CNKSR2: variants seen among roughly 807,000 people sequenced by gnomAD.
The protein encoded by CNKSR2 is connector enhancer of kinase suppressor of Ras 2.
A neutral mutation model predicts 84.4 loss-of-function variants in CNKSR2; 14 were observed. That is an observed-to-expected ratio of 0.17 (90% CI 0.11 to 0.26). The LOEUF (loss-of-function observed/expected upper bound fraction) is 0.26. Among genes scored for constraint, CNKSR2 ranks in the 10% least tolerant of loss-of-function variants. The pLI, the probability that CNKSR2 is intolerant of heterozygous loss-of-function variation, is 1.00. For missense variants in CNKSR2, 485 were observed against 771.2 expected (o/e 0.63, Z 4.40); for synonymous variants, 275 against 277.9 (o/e 0.99, Z 0.10).
intron 16 of CNKSR2, 79 bp from the exon 17 acceptor site, chrX:21,595,245 G>C: frequency 1.3e-6 from 1 of 769,583 alleles, no homozygotes; most frequent in East Asian, 3.2e-5. Flanking sequence ...TAGATGTTGA[G>C]GTAATTTTGC....
intron 4 of CNKSR2, among the ~76,000 whole-genome samples, chrX:21,443,977 TTAAAA>T (rs2090819182): frequency 9.0e-6 from 1 of 111,693 alleles, no homozygotes; most frequent in Non-Finnish European, 1.9e-5. Context: ...AATCTGCATC[TTAAAA>T]TAAAGATATA....
At chrX:21,575,836 T>C (rs1441068588) in intron 13 of CNKSR2, among the ~76,000 whole-genome samples, 1 of 112,328 alleles carries the variant, frequency 8.9e-6, no homozygotes, top group Non-Finnish European at 1.9e-5. Flanking sequence ...AAAAAAGTCA[T>C]GCTTCTCTTC....
At chrX:21,645,780 A>G (rs1215090783) in intron 20 of CNKSR2, 1 of 111,849 alleles carries the variant, frequency 8.9e-6, no homozygotes, top group Non-Finnish European at 1.9e-5. Flanking sequence ...GAGGGCAAAA[A>G]GAGAAGAAAA....
intron 14 of CNKSR2, 63 bp from the exon 15 acceptor site, chrX:21,590,959 C>G (rs1037703496): frequency 1.6e-4 from 159 of 976,861 alleles, no homozygotes; most frequent in Non-Finnish European, 2.0e-4. Context: ...TTTTTGGTAT[C>G]TATAGATTAA....
intron 20 of CNKSR2, among the ~76,000 whole-genome samples, chrX:21,630,777 C>T (rs1328685857): frequency 9.0e-6 from 1 of 111,008 alleles, no homozygotes; most frequent in East Asian, 2.8e-4. Flanking sequence ...TACAGCAGCA[C>T]CATTAATATG....
At position 21,586,877 on chromosome X, in the gene CNKSR2, G is replaced by C. The variant is rs143878492; in HGVS notation, c.1609-3695G>C. 9.9e-3 allele frequency among the ~76,000 whole-genome samples: 1,102 copies of C among 111,777 alleles called. 12 individuals carry two copies. The highest frequency in any genetic ancestry group is 0.032 in the African/African-American group (998 of 30,836). The stretch of plus-strand genomic sequence containing the variant: ...AAAAGGCATCGCAGAAATATGAAAG[G>C]ATACAGAACATGAAGGACACATGGA... On this transcript the variant is annotated intron_variant, in intron 13 of 21. Transcript: ENST00000379510.
intron 5 of CNKSR2, 69 bp downstream of exon 5, chrX:21,470,876 C>A: frequency 8.8e-6 from 5 of 566,235 alleles, no homozygotes; most frequent in Admixed American, 3.6e-5. Context: ...AAGAGGTGAA[C>A]CATAAGAAAA....
At chrX:21,427,602 G>A (rs771369336) in intron 2 of CNKSR2, 4 of 111,776 alleles carry the variant, frequency 3.6e-5, no homozygotes, top group South Asian at 3.7e-4. Flanking sequence ...TTGAATTTCC[G>A]TTTACCCTGC....
chrX:21,605,923 G>C (rs2092513872), intron 18 of CNKSR2, among the ~76,000 whole-genome samples: 1 of 111,295 alleles, frequency 9.0e-6, no homozygotes, highest in African/African-American at 3.3e-5. Context: ...TAATACTTCA[G>C]GTTTTTTCTT....
intron 11 of CNKSR2, among the ~76,000 whole-genome samples, chrX:21,558,218 A>G (rs779581296): frequency 1.3e-3 from 149 of 111,032 alleles, no homozygotes; most frequent in Non-Finnish European, 2.4e-3. Context: ...GCCATGGTCT[A>G]TTTTTCAGTC....
chrX:21,640,304 C>CCCAA (rs2092687403), intron 20 of CNKSR2, among the ~76,000 whole-genome samples: 1 of 111,581 alleles, frequency 9.0e-6, no homozygotes, highest in Non-Finnish European at 1.9e-5. Context: ...TGACCTTGTG[C>CCCAA]CCAAGGTTGG....
intron 2 of CNKSR2, 80 bp from the exon 3 acceptor site, chrX:21,432,532 A>T (rs964124028): frequency 2.8e-6 from 2 of 709,249 alleles, no homozygotes; most frequent in Non-Finnish European, 4.3e-6. Context: ...TTGCCTGTGC[A>T]TAATAAAGTA....
In CNKSR2 at chrX:21,374,702, T is replaced by C; in HGVS notation, c.-196T>C. Reference sequence around the variant, plus strand: ...GAGCCACGACTCCTGCACGTTTACCTCCCTGTCGCCGTTCCTGCCGGCGGT... The same window carrying C: ...GAGCCACGACTCCTGCACGTTTACCCCCCTGTCGCCGTTCCTGCCGGCGGT... On this transcript the variant is annotated 5_prime_UTR_variant, in exon 1 of 22. Coordinates refer to ENST00000379510, the MANE Select transcript of CNKSR2 (RefSeq NM_014927.5). The C allele has an allele frequency of 2.0e-6, 1 of 506,521 alleles. No homozygotes were observed. Among genetic ancestry groups the C allele is most frequent in the South Asian group, 2.6e-5 (1 of 38,108 alleles). 41.7% of individuals were successfully genotyped at this position (506,521 alleles called of 1,213,427 possible). A position where few individuals can be genotyped will look rare whatever the true frequency, so the allele number is the denominator to read the frequency against.
At chrX:21,461,008 T>C (rs979119097) in intron 4 of CNKSR2, among the ~76,000 whole-genome samples, 2 of 112,865 alleles carry the variant, frequency 1.8e-5, no homozygotes, top group African/African-American at 6.4e-5. Flanking sequence ...AGTGCAGATA[T>C]CTTTTTAATA....
intron 1 of CNKSR2, among the ~76,000 whole-genome samples, chrX:21,421,589 A>G (rs929521247): frequency 2.7e-5 from 3 of 111,265 alleles, no homozygotes; most frequent in East Asian, 2.8e-4. Context: ...GTGTACAACT[A>G]TCTCTTCAAA....
At chrX:21,449,798 C>T (rs771904441) in intron 4 of CNKSR2, among the ~76,000 whole-genome samples, 20 of 111,830 alleles carry the variant, frequency 1.8e-4, no homozygotes, top group African/African-American at 6.2e-4. Context: ...GCTCTTAAAG[C>T]TTCTGCATAA....
At chrX:21,457,461 A>G (rs1056044174) in intron 4 of CNKSR2, among the ~76,000 whole-genome samples, 2 of 111,937 alleles carry the variant, frequency 1.8e-5, no homozygotes, top group Non-Finnish European at 3.8e-5. Flanking sequence ...TATTGGTAAG[A>G]AGTCAATAAT....
At position 21,519,906 on chromosome X, in the gene CNKSR2, C is replaced by T. The variant is rs936173534; in HGVS notation, c.957+3275C>T. Among the ~76,000 whole-genome samples, 4 of 110,614 alleles carry T rather than the reference C, an allele frequency of 3.6e-5. No individual in the cohort carries two copies. The East Asian group carries it at 8.5e-4, about 24-fold the overall frequency. ...ATGATTTTTTAAACTTATAAGGAAT[C>T]GTTTTTATCTATACAAATAAAACAA... On this transcript the variant is annotated intron_variant, in intron 9 of 21. Coordinates refer to ENST00000379510, the MANE Select transcript of CNKSR2 (RefSeq NM_014927.5).
At chrX:21,544,239 T>G in intron 11 of CNKSR2, among the ~76,000 whole-genome samples, 1 of 111,275 alleles carries the variant, frequency 9.0e-6, no homozygotes, top group Non-Finnish European at 1.9e-5. Flanking sequence ...TTGGTTTGAT[T>G]TTGCAAACCA....
Sources: allele counts gnomAD v4.1 joint callset (sites outside exome capture counted in the v4.1 genomes callset), GRCh38; gene constraint gnomAD v4.1.1; transcripts MANE v1.5; gene names NCBI Gene and HGNC (gene_info 2026-07-23, HGNC 2026-07-21).